The following LNX1 variants were observed in gnomAD, a reference collection of about 807,000 sequenced individuals.
LNX1 encodes the protein ligand of numb-protein X 1, also known as E3 ubiquitin-protein ligase LNX.
In LNX1, 54 loss-of-function variants were observed where a neutral mutation model predicts 68.4. That is an observed-to-expected ratio of 0.79 (90% CI 0.63 to 0.99). LNX1 has a LOEUF of 0.99. LNX1 is among the 50% of genes least tolerant of loss of function. The probability of loss-of-function intolerance (pLI) is 0.00; values close to 1 mark genes in which losing one functional copy is unlikely to be tolerated. For missense variants in LNX1, 906 were observed against 926.4 expected (o/e 0.98, Z 0.29); for synonymous variants, 336 against 350.0 (o/e 0.96, Z 0.45).
At chr4:53,638,468 C>T (rs1178675776) in intron 1 of LNX1, among the ~76,000 whole-genome samples, 2 of 152,152 alleles carry the variant, frequency 1.3e-5, no homozygotes, top group East Asian at 3.8e-4. Context: ...CTCAAAGCAG[C>T]GAAACTTTAA....
rs867089182 is a variant in LNX1, at chr4:53,607,383, A to G, written c.-215+9134T>C. 3.9e-5 allele frequency among the ~76,000 whole-genome samples: 6 copies of G among 152,326 alleles called. No homozygotes were observed. In the South Asian group the frequency reaches 1.0e-3, roughly 26 times the overall value. On this transcript the variant is annotated intron_variant, in intron 2 of 3. Coordinates refer to the LNX1 transcript ENST00000504299. ...CACGATGGTCACGAAAAGATAAAAT[A>G]CCTAGGAATATAGCTAACCAGGGAG...
At chr4:53,638,712 A>T (rs1212197667) in intron 1 of LNX1, among the ~76,000 whole-genome samples, 1 of 152,210 alleles carries the variant, frequency 6.6e-6, no homozygotes, top group East Asian at 1.9e-4. Context: ...TTACAGAGGA[A>T]GTATCTATGT....
chr4:53,492,104 C>G (rs1579401995), intron 6 of LNX1, among the ~76,000 whole-genome samples: 1 of 152,118 alleles, frequency 6.6e-6, no homozygotes, highest in African/African-American at 2.4e-5. Context: ...TAATACTTTA[C>G]TTTACTGTCT....
intron 9 of LNX1, among the ~76,000 whole-genome samples, chr4:53,466,587 G>A (rs1722701430): frequency 6.6e-6 from 1 of 152,202 alleles, no homozygotes; most frequent in Non-Finnish European, 1.5e-5. Flanking sequence ...CCCTTTCCTA[G>A]TCAAAGAAAG....
At chr4:53,491,833 T>C (rs1172882855) in intron 6 of LNX1, among the ~76,000 whole-genome samples, 5 of 151,456 alleles carry the variant, frequency 3.3e-5, no homozygotes, top group African/African-American at 4.9e-5. Flanking sequence ...GTTTCACTCT[T>C]TTTGCCCAGG....
chr4:53,474,903 A>G (rs1480629545), intron 9 of LNX1, among the ~76,000 whole-genome samples: 1 of 152,134 alleles, frequency 6.6e-6, no homozygotes, highest in Non-Finnish European at 1.5e-5. Context: ...AGTAGCTGGG[A>G]CTACAGGCGT....
At position 53,460,986 on chromosome 4, in the gene LNX1, G is replaced by T. The variant is rs1430080522; in HGVS notation, c.2108C>A (p.Ala703Asp). 3.7e-6 allele frequency: 6 copies of T among 1,608,044 alleles called. No homozygotes were observed. The highest frequency in any genetic ancestry group is 5.1e-6 in the Non-Finnish European group (6 of 1,177,150). ...TTCTTTCAGCAGTCTTGCCAAGCAA[G>T]CATGTATCATTCCTGATGTACTTCT... ...NGRSTSGMIH[A>D]CLARLLKELK... The change falls in exon 11 of 11, where the codon GCT becomes GAT. Residue 703 changes from alanine (A) to aspartate (D), a missense_variant. By Grantham distance (126) the Ala-to-Asp change is moderately radical (BLOSUM62 -2). Coordinates refer to ENST00000263925, the MANE Select transcript of LNX1 (RefSeq NM_001126328.3).
At chr4:53,585,877 C>G (rs1161369205) in intron 1 of LNX1, among the ~76,000 whole-genome samples, 3 of 152,000 alleles carry the variant, frequency 2.0e-5, no homozygotes, top group Non-Finnish European at 4.4e-5. Flanking sequence ...TATGGCAGCC[C>G]TAGAAATACA....
intron 1 of LNX1, among the ~76,000 whole-genome samples, chr4:53,590,192 C>T (rs1732423758): frequency 6.6e-6 from 1 of 152,152 alleles, no homozygotes; most frequent in Non-Finnish European, 1.5e-5. Context: ...TGGGCAGATT[C>T]TTAGTGGTGA....
intron 1 of LNX1, among the ~76,000 whole-genome samples, chr4:53,579,508 C>T (rs1364276892): frequency 2.0e-5 from 3 of 152,250 alleles, no homozygotes; most frequent in Middle Eastern, 3.4e-3. Flanking sequence ...TGTATAGAAG[C>T]TTCTCTGCCT....
chr4:53,542,565 A>T (rs189993350), intron 2 of LNX1, among the ~76,000 whole-genome samples: 2 of 152,192 alleles, frequency 1.3e-5, no homozygotes, highest in African/African-American at 2.4e-5. Context: ...TTTATGGATG[A>T]CACTGAGGTG....
rs568539760 is a variant in LNX1 at position 53,473,184 on chromosome 4, C to T, written c.1892+3569G>A. ...CTGCTCTATGAACAAGAGCTCAATG[C>T]AGAGATAAGACTTCAAGGAAGATGA... On this transcript the variant is annotated intron_variant, in intron 9 of 10. Transcript: ENST00000263925. Among the ~76,000 whole-genome samples the T allele has an allele frequency of 5.9e-4, 89 of 152,116 alleles. 1 individual carries two copies. The highest frequency in any genetic ancestry group is 2.0e-3 in the African/African-American group (83 of 41,494).
Position 53,465,648 on chromosome 4 carries a change from T to A in LNX1, c.1893-4055A>T, listed in dbSNP as rs371440807. The stretch of plus-strand genomic sequence containing the variant: ...TAGTTTTGTATGGTCCAGAGCTAGT[T>A]GTGTTTATTGCCAAAGAACTTTTTA... On this transcript the variant is annotated intron_variant, in intron 9 of 10. Transcript: ENST00000263925. Among the ~76,000 whole-genome samples the A allele has an allele frequency of 3.9e-5, 6 of 152,366 alleles. No homozygotes were observed. In the East Asian group the frequency reaches 7.7e-4, roughly 20 times the overall value.
chr4:53,462,923 C>T (rs778105591), intron 9 of LNX1, among the ~76,000 whole-genome samples: 10 of 152,120 alleles, frequency 6.6e-5, no homozygotes, highest in Non-Finnish European at 1.2e-4. Flanking sequence ...CTTTACATAA[C>T]GGTTCACTGA....
intron 9 of LNX1, among the ~76,000 whole-genome samples, chr4:53,464,758 A>C (rs1192536602): frequency 1.4e-5 from 2 of 147,148 alleles, no homozygotes; most frequent in African/African-American, 5.0e-5. Flanking sequence ...AGAAATGTTC[A>C]GGAGAACAGA....
chr4:53,591,721 G>T, upstream of LNX1: 1 of 296,268 alleles, frequency 3.4e-6, no homozygotes, highest in Non-Finnish European at 5.0e-6. Flanking sequence ...TTGCCAGGTG[G>T]AATTTACTTT....
At chr4:53,608,067 C>G (rs1030282556) in intron 2 of LNX1, among the ~76,000 whole-genome samples, 3 of 152,128 alleles carry the variant, frequency 2.0e-5, no homozygotes, top group Non-Finnish European at 4.4e-5. Context: ...GCAAAGATTT[C>G]ATTAAGAAGA....
intron 2 of LNX1, among the ~76,000 whole-genome samples, chr4:53,610,988 G>T (rs1577793207): frequency 6.6e-6 from 1 of 151,988 alleles, no homozygotes; most frequent in East Asian, 1.9e-4. Context: ...TATTACAAGA[G>T]AATACGATAT....
At chr4:53,624,385 G>A (rs955820132) in intron 1 of LNX1, among the ~76,000 whole-genome samples, 2 of 152,060 alleles carry the variant, frequency 1.3e-5, no homozygotes, top group African/African-American at 4.8e-5. Context: ...GTTTTATAAG[G>A]GGAAACCCCT....
Sources: allele counts gnomAD v4.1 joint callset (sites outside exome capture counted in the v4.1 genomes callset), GRCh38; gene constraint gnomAD v4.1.1; transcripts MANE v1.5; gene names NCBI Gene and HGNC (gene_info 2026-07-23, HGNC 2026-07-21).